CEACAM20: variants seen among roughly 807,000 people sequenced by gnomAD.
The protein encoded by CEACAM20 is cell adhesion molecule CEACAM20.
Under a neutral mutation model 61.2 loss-of-function variants are expected in CEACAM20, and 50 were observed. That is an observed-to-expected ratio of 0.82 (90% CI 0.65 to 1.03). The LOEUF is 1.03. Among genes scored for constraint, CEACAM20 ranks in the 50% least tolerant of loss-of-function variants. The pLI, the probability that CEACAM20 is intolerant of heterozygous loss-of-function variation, is 0.00. For missense variants in CEACAM20, 683 were observed against 736.4 expected (o/e 0.93, Z 0.84); for synonymous variants, 282 against 287.7 (o/e 0.98, Z 0.20).
intron 5 of CEACAM20, among the ~76,000 whole-genome samples, chr19:44,519,713 T>G (rs187413618): frequency 6.6e-6 from 1 of 152,332 alleles, no homozygotes; most frequent in East Asian, 1.9e-4. Flanking sequence ...GGTCCAGCCC[T>G]ATCATCTCTT....
Position 44,513,342 on chromosome 19 carries a change from T to C in CEACAM20, c.1310-53A>G, listed in dbSNP as rs538538681. 1.7e-5 allele frequency: 21 copies of C among 1,217,544 alleles called. No individual in the cohort carries two copies. In the Admixed American group the frequency reaches 2.8e-4, roughly 16 times the overall value. The allele number at this position is 1,217,544 out of a possible 1,614,324, so 75.4% of individuals were successfully genotyped here. On this transcript the variant is annotated intron_variant, in intron 6 of 11. Coordinates refer to ENST00000614924, the MANE Select transcript of CEACAM20 (RefSeq NM_001102597.3). ...AGGCTTGACACACCCTCATCCCTGCTCCCAGCCCGTTCCCAAGCTTGCAGC... is the reference window on the plus strand; with the variant it reads ...AGGCTTGACACACCCTCATCCCTGCCCCCAGCCCGTTCCCAAGCTTGCAGC...
chr19:44,508,439 G>A (rs186333222), intron 11 of CEACAM20, among the ~76,000 whole-genome samples: 3 of 152,224 alleles, frequency 2.0e-5, no homozygotes, highest in Admixed American at 6.5e-5. Context: ...GCCCAGGCTG[G>A]AGTGCAGTAG....
Position 44,524,170 on chromosome 19 carries a change from G to T in CEACAM20, c.288C>A (p.Asn96Lys). The T allele has an allele frequency of 6.2e-7, 1 of 1,613,988 alleles. No individual in the cohort carries two copies. The change falls in exon 3 of 12, where the codon AAC becomes AAA. Residue 96 changes from asparagine (N) to lysine (K), a missense_variant. Transcript: ENST00000614924. ...TGTTGGAAACCCAGTGGATGGTAAT[G>T]TTGACGTCCTTAGTGGTGCAGTAGA... is the stretch of plus-strand genomic sequence containing the variant. ...VTFYCTTKDVNITIHWVSNNL... is the reference protein window; with the variant it reads ...VTFYCTTKDVKITIHWVSNNL...
At chr19:44,517,418 G>T (rs1395508022) in intron 5 of CEACAM20, among the ~76,000 whole-genome samples, 194 bp from the exon 6 acceptor site, 2 of 152,112 alleles carry the variant, frequency 1.3e-5, no homozygotes, top group Admixed American at 6.5e-5. Context: ...CAAGGGCCAG[G>T]CATGGTGGCT....
intron 11 of CEACAM20, among the ~76,000 whole-genome samples, chr19:44,510,623 G>T (rs10415915): frequency 1.1e-5 from 1 of 90,148 alleles, no homozygotes; most frequent in South Asian, 4.2e-4. Flanking sequence ...AGGAAGGAAG[G>T]AAGAAAGAAA....
intron 1 of CEACAM20, among the ~76,000 whole-genome samples, chr19:44,528,654 G>GTC (rs937710487): frequency 1.4e-5 from 2 of 147,700 alleles, no homozygotes; most frequent in Non-Finnish European, 3.0e-5. Flanking sequence ...ATCTTTCTCT[G>GTC]TCTCTCTCTC....
In CEACAM20 at chr19:44,511,048, GT is replaced by G; in HGVS notation, c.1718del (p.Asn573ThrfsTer10). 12 of 1,613,950 alleles carry G rather than the reference GT, an allele frequency of 7.4e-6. No homozygotes were observed. The highest frequency in any genetic ancestry group is 9.3e-6 in the Non-Finnish European group (11 of 1,179,846). On this transcript the variant is annotated frameshift_variant, in exon 11 of 12. Coordinates refer to ENST00000614924, the MANE Select transcript of CEACAM20 (RefSeq NM_001102597.3). LOFTEE classifies it low-confidence loss of function (END_TRUNC). The stretch of plus-strand genomic sequence containing the variant: ...AACATACCTCATAGATTGACTCCAT[GT>G]TTTTTGGCACAGTGGAGACCAATCT... ...PLRLVSTVPK[N>X]MESIYEELVN...
chr19:44,516,961 G>A lies in CEACAM20; in HGVS notation c.1294C>T (p.Leu432=). 6.3e-7 allele frequency: 1 copy of A among 1,598,156 alleles called. No homozygotes were observed. ...LTGLARSTSV[L]VKVVGPQSSS... Reference sequence around the variant, plus strand: ...AGAGACTCACCTACCACCTTGACCAGGACTGAAGTGGAGCGGGCCAGGCCA... The same window carrying A: ...AGAGACTCACCTACCACCTTGACCAAGACTGAAGTGGAGCGGGCCAGGCCA... Residue 432 remains leucine (L), a synonymous_variant, in exon 6 of 12, where the codon CTG becomes TTG. Transcript: ENST00000614924.
chr19:44,524,179 C>T lies in CEACAM20; in HGVS notation c.279G>A (p.Lys93=), dbSNP rs1435616669. 1.2e-6 allele frequency: 2 copies of T among 1,613,906 alleles called. No individual in the cohort carries two copies. Among genetic ancestry groups the T allele is most frequent in the South Asian group, 2.2e-5 (2 of 91,082 alleles). ...CCCAGTGGATGGTAATGTTGACGTCCTTAGTGGTGCAGTAGAAGGTCACCA... is the reference window on the plus strand; with the variant it reads ...CCCAGTGGATGGTAATGTTGACGTCTTTAGTGGTGCAGTAGAAGGTCACCA... ...KDMVTFYCTT[K]DVNITIHWVS... Residue 93 remains lysine (K), a synonymous_variant, in exon 3 of 12, where the codon AAG becomes AAA. Transcript: ENST00000614924.
Position 44,506,232 on chromosome 19 carries a change from A to C in CEACAM20, c.1738-18T>G, listed in dbSNP as rs766670796. 2 of 1,612,660 alleles carry C rather than the reference A, an allele frequency of 1.2e-6. No homozygotes were observed. The highest frequency in any genetic ancestry group is 2.2e-5 in the South Asian group (2 of 90,894). On this transcript the variant is annotated intron_variant, in intron 11 of 11. Coordinates refer to ENST00000614924, the MANE Select transcript of CEACAM20 (RefSeq NM_001102597.3). Reference sequence around the variant, plus strand: ...ACAAGCTCCTGTTAAACAAAGAGAAAATGTGAGCTCCATTTGCTAGGTGGA... The same window carrying C: ...ACAAGCTCCTGTTAAACAAAGAGAACATGTGAGCTCCATTTGCTAGGTGGA...
intron 6 of CEACAM20, among the ~76,000 whole-genome samples, 191 bp from the exon 7 acceptor site, chr19:44,513,480 G>A (rs1304174888): frequency 1.7e-5 from 2 of 119,152 alleles, no homozygotes; most frequent in African/African-American, 6.7e-5. Context: ...GTCTTGCTCT[G>A]TCACCCAGAC....
Position 44,516,962 on chromosome 19 carries a change from G to T in CEACAM20, c.1293C>A (p.Val431=). 6.3e-7 allele frequency: 1 copy of T among 1,598,346 alleles called. No individual in the cohort carries two copies. Among genetic ancestry groups the T allele is most frequent in the South Asian group, 1.1e-5 (1 of 88,028 alleles). The change falls in exon 6 of 12, where the codon GTC becomes GTA. Residue 431 remains valine (V), a synonymous_variant. Coordinates refer to ENST00000614924, the MANE Select transcript of CEACAM20 (RefSeq NM_001102597.3). ...GAGACTCACCTACCACCTTGACCAG[G>T]ACTGAAGTGGAGCGGGCCAGGCCAG... ...SLTGLARSTS[V]LVKVVGPQSS...
At chr19:44,514,394 G>A (rs1971094822) in intron 6 of CEACAM20, among the ~76,000 whole-genome samples, 1 of 152,008 alleles carries the variant, frequency 6.6e-6, no homozygotes, top group Non-Finnish European at 1.5e-5. Flanking sequence ...GCTTTGGAGG[G>A]GCAGGAGGGA....
Position 44,528,946 on chromosome 19 carries a change from CTCTT to C in CEACAM20, c.52+508_52+511del, listed in dbSNP as rs1187313589. Among the ~76,000 whole-genome samples the C allele has an allele frequency of 3.0e-3, 389 of 129,480 alleles. 7 individuals carry two copies. The highest frequency in any genetic ancestry group is 4.0e-3 in the Middle Eastern group (1 of 248). The allele number at this position is 129,480 out of a possible 152,430, so 84.9% of individuals were successfully genotyped here. A position where few individuals can be genotyped will look rare whatever the true frequency, so the allele number is the denominator to read the frequency against. On this transcript the variant is annotated intron_variant, in intron 1 of 11. Transcript: ENST00000614924. Reference sequence around the variant, plus strand: ...TATCTATGTTTATTTCTGTATTTCTCTCTTTCTTTCTTTTTTTTTTTTTTTTTTT... The same window carrying C: ...TATCTATGTTTATTTCTGTATTTCTCTCTTTCTTTTTTTTTTTTTTTTTTT...
chr19:44,508,516 A>G (rs897563231), intron 11 of CEACAM20, among the ~76,000 whole-genome samples: 1 of 152,056 alleles, frequency 6.6e-6, no homozygotes, highest in African/African-American at 2.4e-5. Flanking sequence ...CAGCCTCCCA[A>G]GTAGCTGGGA....
At chr19:44,523,649 C>G (rs1312013709) in intron 3 of CEACAM20, among the ~76,000 whole-genome samples, 1 of 151,854 alleles carries the variant, frequency 6.6e-6, no homozygotes, top group East Asian at 2.0e-4. Context: ...ACTCCTTGCT[C>G]CAAGCAATCC....
intron 11 of CEACAM20, among the ~76,000 whole-genome samples, chr19:44,507,988 A>G (rs1970866870): frequency 6.6e-6 from 1 of 152,202 alleles, no homozygotes; most frequent in Admixed American, 6.5e-5. Flanking sequence ...CCTATCCTCC[A>G]TGGTAATTTA....
intron 2 of CEACAM20, 65 bp downstream of exon 2, chr19:44,525,036 G>A: frequency 6.3e-7 from 1 of 1,582,734 alleles, no homozygotes; most frequent in African/African-American, 1.4e-5. Flanking sequence ...TTGGGCGTGA[G>A]GTTCGGATGA....
chr19:44,525,486 A>G (rs1041536279), intron 1 of CEACAM20, among the ~76,000 whole-genome samples: 1 of 152,152 alleles, frequency 6.6e-6, no homozygotes, highest in African/African-American at 2.4e-5. Flanking sequence ...TCTGTCACCC[A>G]GGCTGGCATG....
Sources: gnomAD v4.1 joint callset for allele counts (sites outside exome capture counted in the v4.1 genomes callset) on GRCh38, gnomAD v4.1.1 for gene constraint, MANE v1.5 for transcripts, NCBI Gene and HGNC (gene_info 2026-07-23, HGNC 2026-07-21) for gene names.